The following DOP1B variants were observed in gnomAD, a reference collection of about 807,000 sequenced individuals.
DOP1B encodes DOP1 leucine zipper like protein B, also known as protein DOP1B.
Under a neutral mutation model 233.5 loss-of-function variants are expected in DOP1B, and 174 were observed. The ratio of observed to expected loss-of-function variants is 0.75; its 90% CI spans 0.66 to 0.85. The LOEUF (loss-of-function observed/expected upper bound fraction) is 0.85. Among genes scored for constraint, DOP1B ranks in the 40% least tolerant of loss-of-function variants. The pLI, the probability that DOP1B is intolerant of heterozygous loss-of-function variation, is 0.00. For synonymous variants in DOP1B, 1,190 were observed against 1,185.6 expected, an observed-to-expected ratio of 1.00 and a Z score of -0.08; for missense variants, 2,652 against 2,846.6, an observed-to-expected ratio of 0.93 and a Z score of 1.56.
At chr21:36,250,477 C>T (rs1434122921) in intron 21 of DOP1B, among the ~76,000 whole-genome samples, 1 of 152,140 alleles carries the variant, frequency 6.6e-6, no homozygotes, top group African/African-American at 2.4e-5. Flanking sequence ...CTGGCCTGAC[C>T]TGGGGTTCCT....
chr21:36,215,073 T>C (rs570526155), intron 9 of DOP1B, among the ~76,000 whole-genome samples: 5 of 152,202 alleles, frequency 3.3e-5, no homozygotes, highest in South Asian at 2.1e-4. Context: ...AATTTGAACA[T>C]TTTTTGTTAG....
chr21:36,233,117 C>T, intron 15 of DOP1B, 42 bp downstream of exon 15: 1 of 1,592,670 alleles, frequency 6.3e-7, no homozygotes, highest in Non-Finnish European at 8.6e-7. Context: ...CCTCCTTCTC[C>T]CCCTGAGCAA....
Position 36,253,863 on chromosome 21 carries a change from T to G in DOP1B, c.5213T>G (p.Val1738Gly). ...TLQTDTLLHLVKEVVKRPPQV... is the reference protein window; with the variant it reads ...TLQTDTLLHLGKEVVKRPPQV... The stretch of plus-strand genomic sequence containing the variant: ...CAGACTGACACGCTGCTGCACCTGG[T>G]GAAGGAGGTGGTGAAGAGGCCACCC... Residue 1738 changes from valine to glycine, a missense_variant, in exon 23 of 37, where the codon GTG becomes GGG. Around this residue, in one of 3 missense-constraint regions of DOP1B, gnomAD observed 2,617 missense variants for 2,794.3 expected, o/e 0.94. Transcript: ENST00000691173. 1 of 1,613,824 alleles carries G rather than the reference T, an allele frequency of 6.2e-7. No individual in the cohort carries two copies. The highest frequency in any genetic ancestry group is 8.5e-7 in the Non-Finnish European group (1 of 1,179,950).
At chr21:36,230,112 A>G (rs2066741889) in intron 13 of DOP1B, among the ~76,000 whole-genome samples, 1 of 152,194 alleles carries the variant, frequency 6.6e-6, no homozygotes, top group Non-Finnish European at 1.5e-5. Context: ...CTGGGATTAC[A>G]GGCTTGAGCC....
chr21:36,239,627 A>G (rs2066869027), intron 17 of DOP1B, 138 bp from the exon 18 acceptor site: 13 of 927,466 alleles, frequency 1.4e-5, no homozygotes, highest in South Asian at 1.8e-5. Context: ...GTGCTCATCT[A>G]CTTGGGTCTG....
At chr21:36,199,381 A>G (rs1468873928) in intron 3 of DOP1B, 130 bp downstream of exon 3, 26 of 1,192,044 alleles carry the variant, frequency 2.2e-5, no homozygotes, top group Non-Finnish European at 3.0e-5. Context: ...TCATAAAGCC[A>G]TCACCAGGAG....
chr21:36,227,730 C>G lies in DOP1B; in HGVS notation c.1518C>G (p.Leu506=), dbSNP rs140548585. ...AAACCCAGTATCTCCCTCAGGTGCT[C>G]GGCTGCCTGGTGCAGCCTCTTGCTG... is the stretch of plus-strand genomic sequence containing the variant. ...EVQTQYLPQV[L]GCLVQPLAED... is the part of the protein sequence containing the mutation. Residue 506 remains leucine (L), a synonymous_variant, in exon 13 of 37, where the codon CTC becomes CTG. Transcript: ENST00000691173. The G allele has an allele frequency of 1.2e-6, 2 of 1,605,558 alleles. No homozygotes were observed. The highest frequency in any genetic ancestry group is 1.7e-6 in the Non-Finnish European group (2 of 1,174,362).
chr21:36,288,481 C>G (rs1319415566), intron 33 of DOP1B, among the ~76,000 whole-genome samples: 2 of 151,950 alleles, frequency 1.3e-5, no homozygotes, highest in Non-Finnish European at 2.9e-5. Flanking sequence ...TCACTTGAGC[C>G]CAGGAGTTCG....
intron 24 of DOP1B, 44 bp from the exon 25 acceptor site, chr21:36,263,502 A>T (rs773696421): frequency 3.9e-5 from 59 of 1,523,088 alleles, no homozygotes; most frequent in Middle Eastern, 1.7e-4. Context: ...ATGTATTTTG[A>T]CTTGTTCGTG....
intron 15 of DOP1B, among the ~76,000 whole-genome samples, chr21:36,234,488 C>T (rs2066803790): frequency 1.3e-5 from 2 of 151,836 alleles, no homozygotes; most frequent in Admixed American, 6.6e-5. Flanking sequence ...TTGATTTTTA[C>T]TTTCATTTTC....
intron 2 of DOP1B, 22 bp downstream of exon 2, chr21:36,164,893 T>C: frequency 6.6e-7 from 1 of 1,503,998 alleles, no homozygotes. Flanking sequence ...GTATCCTATT[T>C]GGATTGCATG....
intron 2 of DOP1B, among the ~76,000 whole-genome samples, chr21:36,188,973 G>C (rs1213967606): frequency 1.3e-5 from 2 of 151,942 alleles, no homozygotes; most frequent in Non-Finnish European, 2.9e-5. Flanking sequence ...AACAAATTGT[G>C]GTAAAATACA....
rs1459048223 is a variant in DOP1B at position 36,200,384 on chromosome 21, T to G, written c.374T>G (p.Leu125Arg). 1 of 1,613,542 alleles carries G rather than the reference T, an allele frequency of 6.2e-7. No individual in the cohort carries two copies. Among genetic ancestry groups the G allele is most frequent in the East Asian group, 2.2e-5 (1 of 44,862 alleles). ...GCGGCGGTGTCGGTGAGGCCGGTGC[T>G]GCTCACCCTGTACGAGAAGTACTTC... is the stretch of plus-strand genomic sequence containing the variant. ...AHAAVSVRPV[L>R]LTLYEKYFLP... is the part of the protein sequence containing the mutation. Residue 125 changes from leucine (L) to arginine (R), a missense_variant, in exon 4 of 37, where the codon CTG becomes CGG. Coordinates refer to ENST00000691173, the MANE Select transcript of DOP1B (RefSeq NM_001320714.2).
rs142318768 is a variant in DOP1B at position 36,191,486 on chromosome 21, C to A, written c.139-7584C>A. On this transcript the variant is annotated intron_variant, in intron 2 of 36. Transcript: ENST00000691173. ...AGGAGGGGCTGGCGTGCAAGTGTCA[C>A]TCAAGAATTCATGGCTAGGCTGGGC... Among the ~76,000 whole-genome samples the A allele has an allele frequency of 8.5e-5, 13 of 152,256 alleles. No individual in the cohort carries two copies. In the East Asian group the frequency reaches 2.1e-3, roughly 25 times the overall value.
In DOP1B at chr21:36,289,047, G is replaced by A. The variant is rs771129069; in HGVS notation, c.6356G>A (p.Ser2119Asn). 8.1e-6 allele frequency: 13 copies of A among 1,611,224 alleles called. No individual in the cohort carries two copies. Among genetic ancestry groups the A allele is most frequent in the Non-Finnish European group, 8.5e-7 (1 of 1,179,278 alleles). ...AGCGTTTCTTTGCAAATTTATAGAA[G>A]CACCAACAAAGTAAACAGAACGAAA... ...DLKDEDESLRSTNKVNRTKVS... is the reference protein window; with the variant it reads ...DLKDEDESLRNTNKVNRTKVS... The change falls in exon 35 of 37, where the codon AGC becomes AAC. Residue 2119 changes from serine (S) to asparagine (N), a missense_variant and splice_region_variant. By Grantham distance (46) the Ser-to-Asn change is conservative (BLOSUM62 1). Coordinates refer to ENST00000691173, the MANE Select transcript of DOP1B (RefSeq NM_001320714.2).
intron 23 of DOP1B, among the ~76,000 whole-genome samples, chr21:36,256,122 G>GTCGAACAGTTTAAAA (rs1436524831): frequency 6.6e-6 from 1 of 152,138 alleles, no homozygotes; most frequent in Non-Finnish European, 1.5e-5. Flanking sequence ...ATTGCCTTCT[G>GTCGAACAGTTTAAAA]TCGAACAGTT....
chr21:36,185,905 A>G (rs1013360977), intron 2 of DOP1B, among the ~76,000 whole-genome samples: 8 of 152,222 alleles, frequency 5.3e-5, no homozygotes, highest in Admixed American at 6.5e-5. Context: ...CTTGTGTTTT[A>G]AAAAGTAATT....
In DOP1B at chr21:36,200,422, A is replaced by C; in HGVS notation, c.412A>C (p.Lys138Gln). Reference sequence around the variant, plus strand: ...CGAGAAGTACTTCCTCCCACTGCAGAAGCTGCTCCTGCCCAGTCTGCAGGC... The same window carrying C: ...CGAGAAGTACTTCCTCCCACTGCAGCAGCTGCTCCTGCCCAGTCTGCAGGC... ...LYEKYFLPLQ[K>Q]LLLPSLQAFI... The change falls in exon 4 of 37, where the codon AAG becomes CAG. Residue 138 changes from lysine to glutamine, a missense_variant. Transcript: ENST00000691173. 6.2e-7 allele frequency: 1 copy of C among 1,613,486 alleles called. No homozygotes were observed. Among genetic ancestry groups the C allele is most frequent in the Non-Finnish European group, 8.5e-7 (1 of 1,180,000 alleles).
intron 24 of DOP1B, chr21:36,262,052 A>G (rs552726211): frequency 3.6e-6 from 3 of 834,346 alleles, no homozygotes; most frequent in Non-Finnish European, 4.3e-6. Flanking sequence ...AGTTAACATT[A>G]CATAGTTATT....
Sources: gnomAD v4.1 joint callset for allele counts (sites outside exome capture counted in the v4.1 genomes callset) on GRCh38, gnomAD v4.1.1 for gene constraint, gnomAD v4.1.1 regional missense constraint, MANE v1.5 for transcripts, NCBI Gene and HGNC (gene_info 2026-07-23, HGNC 2026-07-21) for gene names.